CFAP44: variants seen among roughly 807,000 people sequenced by gnomAD.
CFAP44 encodes cilia- and flagella-associated protein 44.
Under a neutral mutation model 216.2 loss-of-function variants are expected in CFAP44, and 134 were observed. The ratio of observed to expected loss-of-function variants is 0.62; its 90% CI spans 0.54 to 0.72. The LOEUF (loss-of-function observed/expected upper bound fraction) is 0.72, where lower values mean the gene tolerates loss of function less well. Ranked by LOEUF, CFAP44 falls within the 30% of genes least tolerant of loss-of-function variation. The pLI is 0.00. For missense variants in CFAP44, 2,035 were observed against 2,182.1 expected (o/e 0.93, Z 1.34); for synonymous variants, 700 against 727.6 (o/e 0.96, Z 0.61).
At chr3:113,406,226 CTGAG>C (rs1371808755) in intron 8 of CFAP44, among the ~76,000 whole-genome samples, 1 of 152,144 alleles carries the variant, frequency 6.6e-6, no homozygotes, top group Non-Finnish European at 1.5e-5. Context: ...TTTGCTCTTT[CTGAG>C]TAATAATCTG....
chr3:113,424,308 T>G (rs564070455), intron 4 of CFAP44, among the ~76,000 whole-genome samples: 4 of 152,108 alleles, frequency 2.6e-5, no homozygotes, highest in African/African-American at 9.7e-5. Context: ...TGGTGGTGCA[T>G]GCCTATAGTC....
Position 113,416,532 on chromosome 3 carries a change from G to A in CFAP44, c.666C>T (p.Val222=). 1 of 1,602,830 alleles carries A rather than the reference G, an allele frequency of 6.2e-7. No individual in the cohort carries two copies. Among genetic ancestry groups the A allele is most frequent in the Non-Finnish European group, 8.5e-7 (1 of 1,171,924 alleles). Residue 222 remains valine (V), a synonymous_variant, in exon 6 of 35, where the codon GTC becomes GTT. Transcript: ENST00000393845. ...ATATGCTTCTGGACTCACCTCGAAG[G>A]ACTCTGTATGGTCTCAGAGAAGGAT... ...YEYPSLRPYR[V]LRDGTEKGYA...
At position 113,290,154 on chromosome 3, in the gene CFAP44, C is replaced by T. The variant is rs1300359577; in HGVS notation, c.*1403G>A. 6.6e-6 allele frequency: 1 copy of T among 151,970 alleles called. No individual in the cohort carries two copies. Among genetic ancestry groups the T allele is most frequent in the Non-Finnish European group, 1.5e-5 (1 of 68,006 alleles). 9.4% of individuals were successfully genotyped at this position (151,970 alleles called of 1,614,324 possible). A position where few individuals can be genotyped will look rare whatever the true frequency, so the allele number is the denominator to read the frequency against. On this transcript the variant is annotated 3_prime_UTR_variant, in exon 35 of 35. Coordinates refer to ENST00000393845, the MANE Select transcript of CFAP44 (RefSeq NM_001164496.2). ...TATTTTTAAAAATACTTGAAAGGCA[C>T]ACATGGCTTAGGATATACAACACAG...
In CFAP44 at chr3:113,420,128, G is replaced by A. The variant is rs745622321; in HGVS notation, c.459C>T (p.Asp153=). ...CAGCTATGTATATGGCGATACTGTC[G>A]TCCAGAAGTTGTAGGTTGGCTCGCT... ...CRKRANLQLL[D]DSIAIYIAGN... Residue 153 remains aspartate, a synonymous_variant, in exon 5 of 35, where the codon GAC becomes GAT. Coordinates refer to ENST00000393845, the MANE Select transcript of CFAP44 (RefSeq NM_001164496.2). The A allele has an allele frequency of 7.3e-5, 118 of 1,613,756 alleles. 1 individual carries two copies. Among genetic ancestry groups the A allele is most frequent in the South Asian group, 6.3e-4 (57 of 91,022 alleles).
intron 22 of CFAP44, among the ~76,000 whole-genome samples, chr3:113,354,380 C>T (rs895722432): frequency 6.6e-6 from 1 of 152,156 alleles, no homozygotes; most frequent in African/African-American, 2.4e-5. Context: ...AATGGGGAGG[C>T]TCCTGGTCTG....
chr3:113,328,447 C>A (rs1950207764), intron 26 of CFAP44, among the ~76,000 whole-genome samples: 1 of 150,256 alleles, frequency 6.7e-6, no homozygotes, highest in South Asian at 2.1e-4. Flanking sequence ...TACAGCTTTC[C>A]CCCAGCTTTC....
chr3:113,360,564 C>A, intron 21 of CFAP44: 1 of 196,840 alleles, frequency 5.1e-6, no homozygotes, highest in South Asian at 1.1e-4. Flanking sequence ...GATTCTTACT[C>A]TGTATGATAG....
intron 16 of CFAP44, among the ~76,000 whole-genome samples, 198 bp downstream of exon 16, chr3:113,380,701 T>C (rs1297418673): frequency 6.6e-6 from 1 of 152,170 alleles, no homozygotes; most frequent in Non-Finnish European, 1.5e-5. Context: ...ACCCCTAAAA[T>C]TTCCTTCTTT....
At chr3:113,353,936 T>C (rs1308845230) in intron 22 of CFAP44, among the ~76,000 whole-genome samples, 1 of 152,100 alleles carries the variant, frequency 6.6e-6, no homozygotes, top group Non-Finnish European at 1.5e-5. Context: ...TCTCACACAG[T>C]TGAAATAGCT....
At chr3:113,362,964 T>TA in intron 21 of CFAP44, 181 bp downstream of exon 21, 1 of 1,342,342 alleles carries the variant, frequency 7.4e-7, no homozygotes, top group Non-Finnish European at 9.5e-7. Flanking sequence ...CTTAACTGAT[T>TA]AAAAGGGATA....
In CFAP44 at chr3:113,344,732, A is replaced by G. The variant is rs201574279; in HGVS notation, c.3066-20T>C. The G allele has an allele frequency of 3.2e-4, 483 of 1,488,952 alleles. 1 individual carries two copies. Among genetic ancestry groups the G allele is most frequent in the Admixed American group, 3.1e-4 (12 of 38,382 alleles). The allele number at this position is 1,488,952 out of a possible 1,614,324, so 92.2% of individuals were successfully genotyped here. A position where few individuals can be genotyped will look rare whatever the true frequency, so the allele number is the denominator to read the frequency against. ...CGAAATCTGAAAAAATAAAACAAGTATTTGCAGTAGTCACCATTTTGATCA... is the reference window on the plus strand; with the variant it reads ...CGAAATCTGAAAAAATAAAACAAGTGTTTGCAGTAGTCACCATTTTGATCA... On this transcript the variant is annotated intron_variant, in intron 22 of 34. Transcript: ENST00000393845.
chr3:113,341,404 C>A (rs1375702596), intron 24 of CFAP44, among the ~76,000 whole-genome samples: 2 of 151,990 alleles, frequency 1.3e-5, no homozygotes, highest in African/African-American at 4.8e-5. Context: ...AAGGTACGAG[C>A]CAAAACTATA....
At chr3:113,332,754 T>A (rs1185882206) in intron 25 of CFAP44, among the ~76,000 whole-genome samples, 1 of 152,146 alleles carries the variant, frequency 6.6e-6, no homozygotes, top group African/African-American at 2.4e-5. Flanking sequence ...CAAAGAAATA[T>A]ATTAGTTTGT....
chr3:113,382,730 A>C (rs1339606428), intron 15 of CFAP44, among the ~76,000 whole-genome samples: 3 of 152,220 alleles, frequency 2.0e-5, no homozygotes, highest in Non-Finnish European at 2.9e-5. Context: ...CAGCTTCTCT[A>C]CTGCAAAAGA....
chr3:113,343,059 C>CTTTTTTTTTTTTTTTTTT (rs397990837), intron 23 of CFAP44, among the ~76,000 whole-genome samples: 5 of 106,774 alleles, frequency 4.7e-5, no homozygotes, highest in Non-Finnish European at 9.1e-5. Context: ...TTCTTTCTTT[C>CTTTTTTTTTTTTTTTTTT]TTTTTTTTTT....
chr3:113,416,773 T>G (rs116158229), intron 5 of CFAP44, 146 bp from the exon 6 acceptor site: 1 of 569,424 alleles, frequency 1.8e-6, no homozygotes, highest in African/African-American at 1.9e-5. Context: ...CAGATAAATA[T>G]TTAATGATGG....
intron 2 of CFAP44, among the ~76,000 whole-genome samples, chr3:113,430,917 C>T (rs1333039320): frequency 6.6e-6 from 1 of 152,110 alleles, no homozygotes. Context: ...ACTAACAGTC[C>T]TTCACCATCG....
intron 22 of CFAP44, among the ~76,000 whole-genome samples, chr3:113,352,066 G>A (rs1217478471): frequency 6.6e-6 from 1 of 152,146 alleles, no homozygotes; most frequent in Non-Finnish European, 1.5e-5. Context: ...TTTAGAGGGG[G>A]GATTGAGAGG....
intron 28 of CFAP44, among the ~76,000 whole-genome samples, chr3:113,311,982 G>A (rs896649129): frequency 3.3e-5 from 5 of 152,068 alleles, no homozygotes; most frequent in Admixed American, 3.3e-4. Flanking sequence ...AAGGTGTCTG[G>A]CGGGAGAAAA....
Sources: allele counts gnomAD v4.1 joint callset (sites outside exome capture counted in the v4.1 genomes callset), GRCh38; gene constraint gnomAD v4.1.1; transcripts MANE v1.5; gene names NCBI Gene and HGNC (gene_info 2026-07-23, HGNC 2026-07-21).